The following RPAP2 variants were observed in gnomAD, a reference collection of about 807,000 sequenced individuals.
RPAP2 encodes putative RNA polymerase II subunit B1 CTD phosphatase RPAP2.
In RPAP2, 52 loss-of-function variants were observed where a neutral mutation model predicts 73.1. The observed-to-expected ratio is 0.71, with a 90% confidence interval of 0.57 to 0.90. The LOEUF is 0.90. RPAP2 is among the 40% of genes least tolerant of loss of function. The pLI is 0.00. For missense variants in RPAP2, 598 were observed against 701.8 expected (o/e 0.85, Z 1.67); for synonymous variants, 225 against 242.1 (o/e 0.93, Z 0.65).
rs1458048681 is a variant in RPAP2, at chr1:92,320,654, AT to A, written c.524+23del. The A allele has an allele frequency of 6.3e-7, 1 of 1,579,462 alleles. No homozygotes were observed. The highest frequency in any genetic ancestry group is 1.7e-5 in the Admixed American group (1 of 59,866). On this transcript the variant is annotated intron_variant, in intron 7 of 12. Coordinates refer to ENST00000610020, the MANE Select transcript of RPAP2 (RefSeq NM_024813.3). The stretch of plus-strand genomic sequence containing the variant: ...ACAAAGGTATGGTTGAATCAGTATC[AT>A]TTACCATTTATATATTTATGTTAAT...
intron 10 of RPAP2, among the ~76,000 whole-genome samples, chr1:92,344,858 C>T (rs1459379935): frequency 6.6e-6 from 1 of 152,146 alleles, no homozygotes; most frequent in Non-Finnish European, 1.5e-5. Context: ...CGGTCCATTT[C>T]AAATTTCCTC....
intron 11 of RPAP2, among the ~76,000 whole-genome samples, chr1:92,348,582 ATTATT>A (rs1023287000): frequency 6.6e-6 from 1 of 151,894 alleles, no homozygotes; most frequent in Non-Finnish European, 1.5e-5. Context: ...CCTGCCCCAT[ATTATT>A]TTCTTATTTC....
intron 12 of RPAP2, among the ~76,000 whole-genome samples, chr1:92,383,185 T>C (rs1352692702): frequency 1.3e-5 from 2 of 152,156 alleles, no homozygotes; most frequent in East Asian, 3.8e-4. Flanking sequence ...TGTAGTATAG[T>C]TTGAAGTCAG....
chr1:92,370,308 G>T (rs569800533), intron 11 of RPAP2, among the ~76,000 whole-genome samples: 21 of 152,296 alleles, frequency 1.4e-4, no homozygotes, highest in Admixed American at 3.9e-4. Flanking sequence ...TGATAAGCTA[G>T]AAGTGAGTAT....
chr1:92,381,592 T>TTC (rs1251075099), intron 12 of RPAP2, among the ~76,000 whole-genome samples: 3 of 150,774 alleles, frequency 2.0e-5, no homozygotes, highest in Admixed American at 6.6e-5. Flanking sequence ...GATTTTCTTT[T>TTC]TTTTTTTTTT....
chr1:92,364,024 G>A (rs917572748), intron 11 of RPAP2, among the ~76,000 whole-genome samples: 2 of 152,052 alleles, frequency 1.3e-5, no homozygotes, highest in African/African-American at 2.4e-5. Context: ...GAGGGGGTCA[G>A]TGTCCCTAAT....
intron 10 of RPAP2, 108 bp from the exon 11 acceptor site, chr1:92,345,738 A>T (rs773433818): frequency 3.0e-6 from 2 of 665,056 alleles, no homozygotes; most frequent in East Asian, 5.5e-5. Context: ...AGTATTTTAA[A>T]AAAAAGTGCT....
chr1:92,384,373 C>G (rs932163642), intron 12 of RPAP2, among the ~76,000 whole-genome samples: 3 of 151,708 alleles, frequency 2.0e-5, no homozygotes, highest in Non-Finnish European at 4.4e-5. Flanking sequence ...CCTGTAATCC[C>G]AGCACTTTGG....
At chr1:92,331,307 A>G (rs1468436287) in intron 8 of RPAP2, among the ~76,000 whole-genome samples, 1 of 152,158 alleles carries the variant, frequency 6.6e-6, no homozygotes. Context: ...TGTCCTTTAT[A>G]TGGAGAATTT....
In RPAP2 at chr1:92,398,139, G is replaced by C. The variant is rs1656231887; in HGVS notation, c.*11128G>C. Reference sequence around the variant, plus strand: ...CACTCCAGCCTAGGCAATAGAGTGAGACTGTCTCAAAAAATAAAATTTTAA... The same window carrying C: ...CACTCCAGCCTAGGCAATAGAGTGACACTGTCTCAAAAAATAAAATTTTAA... On this transcript the variant is annotated 3_prime_UTR_variant, in exon 13 of 13. Transcript: ENST00000610020. 6.6e-6 allele frequency: 1 copy of C among 152,192 alleles called. No individual in the cohort carries two copies. The highest frequency in any genetic ancestry group is 2.1e-4 in the South Asian group (1 of 4,832). 9.4% of individuals were successfully genotyped at this position (152,192 alleles called of 1,614,324 possible). A position where few individuals can be genotyped will look rare whatever the true frequency, so the allele number is the denominator to read the frequency against.
At chr1:92,372,669 C>T (rs558764249) in intron 11 of RPAP2, among the ~76,000 whole-genome samples, 1 of 152,248 alleles carries the variant, frequency 6.6e-6, no homozygotes, top group African/African-American at 2.4e-5. Context: ...ATCCCAGTCT[C>T]TCAGGAGGAT....
chr1:92,333,314 AT>A, intron 8 of RPAP2, 76 bp from the exon 9 acceptor site: 1 of 1,151,798 alleles, frequency 8.7e-7, no homozygotes, highest in Non-Finnish European at 1.3e-6. Flanking sequence ...TTGTGTTTTA[AT>A]GTTTATTGTT....
chr1:92,372,481 A>G (rs774502993), intron 11 of RPAP2, among the ~76,000 whole-genome samples: 2 of 152,240 alleles, frequency 1.3e-5, no homozygotes, highest in Non-Finnish European at 2.9e-5. Flanking sequence ...GTGGTAGGTC[A>G]TGATTTAATG....
At chr1:92,345,785 A>G in intron 10 of RPAP2, 61 bp from the exon 11 acceptor site, 1 of 1,039,936 alleles carries the variant, frequency 9.6e-7, no homozygotes, top group Middle Eastern at 2.1e-4. Flanking sequence ...TGTTATCTAG[A>G]AAGAAATAGA....
chr1:92,345,499 A>G (rs1336338277), intron 10 of RPAP2, among the ~76,000 whole-genome samples: 5 of 151,190 alleles, frequency 3.3e-5, no homozygotes, highest in African/African-American at 4.9e-5. Context: ...TTGCTTGGTT[A>G]GGGGAAAGCA....
At chr1:92,334,731 A>T (rs1467325765) in intron 9 of RPAP2, among the ~76,000 whole-genome samples, 1 of 152,092 alleles carries the variant, frequency 6.6e-6, no homozygotes, top group Non-Finnish European at 1.5e-5. Flanking sequence ...TCACACCTGT[A>T]ATCCCAGCAC....
At chr1:92,316,778 AAAAG>A (rs1227755663) in intron 6 of RPAP2, among the ~76,000 whole-genome samples, 1 of 152,212 alleles carries the variant, frequency 6.6e-6, no homozygotes, top group Non-Finnish European at 1.5e-5. Flanking sequence ...GAAAGGACAG[AAAAG>A]AAAGAGCAAT....
intron 2 of RPAP2, 115 bp from the exon 3 acceptor site, chr1:92,301,361 A>T: frequency 5.1e-6 from 2 of 390,578 alleles, no homozygotes; most frequent in Non-Finnish European, 9.0e-6. Flanking sequence ...AAAATTTTTT[A>T]AATATATTTA....
intron 6 of RPAP2, among the ~76,000 whole-genome samples, chr1:92,310,426 A>G (rs1436954238): frequency 6.6e-6 from 1 of 152,192 alleles, no homozygotes; most frequent in Non-Finnish European, 1.5e-5. Flanking sequence ...CTGTTTACAT[A>G]TGGCATGGGA....
Sources: gnomAD v4.1 joint callset for allele counts (sites outside exome capture counted in the v4.1 genomes callset) on GRCh38, gnomAD v4.1.1 for gene constraint, MANE v1.5 for transcripts, NCBI Gene and HGNC (gene_info 2026-07-23, HGNC 2026-07-21) for gene names.